Variants in CCSER1 observed in about 807,000 individuals in gnomAD.
CCSER1 encodes serine-rich coiled-coil domain-containing protein 1.
CCSER1 carries 41 observed loss-of-function variants against 82.0 expected under a neutral mutation model. That is an observed-to-expected ratio of 0.50 (90% CI 0.39 to 0.65). CCSER1 has a LOEUF of 0.65. CCSER1 is among the 30% of genes least tolerant of loss of function. The pLI is 0.00. For synonymous variants in CCSER1, 414 were observed against 383.9 expected, an observed-to-expected ratio of 1.08 and a Z score of -0.92; for missense variants, 1,119 against 1,064.2, an observed-to-expected ratio of 1.05 and a Z score of -0.72.
At chr4:90,867,429 G>A (rs1302714643) in intron 8 of CCSER1, among the ~76,000 whole-genome samples, 1 of 152,004 alleles carries the variant, frequency 6.6e-6, no homozygotes, top group Non-Finnish European at 1.5e-5. Context: ...TGCTATATAT[G>A]TTTACAGGAT....
Position 91,271,664 on chromosome 4 carries a change from CAT to C in CCSER1, c.2217+185679_2217+185680del, listed in dbSNP as rs1383894376. Among the ~76,000 whole-genome samples the C allele has an allele frequency of 2.6e-5, 4 of 151,974 alleles. No individual in the cohort carries two copies. The South Asian group carries it at 6.2e-4, about 24-fold the overall frequency. ...TATATATGATATACATATATACACACATATATATATGATATATATACACACAC... is the reference window on the plus strand; with the variant it reads ...TATATATGATATACATATATACACACATATATATGATATATATACACACAC... On this transcript the variant is annotated intron_variant, in intron 10 of 10. Coordinates refer to ENST00000509176, the MANE Select transcript of CCSER1 (RefSeq NM_001145065.2).
chr4:91,432,732 C>T (rs1310293512), intron 10 of CCSER1, among the ~76,000 whole-genome samples: 2 of 151,904 alleles, frequency 1.3e-5, no homozygotes, highest in Non-Finnish European at 2.9e-5. Context: ...TATTGTGTTA[C>T]TGATTTTTAG....
intron 10 of CCSER1, among the ~76,000 whole-genome samples, chr4:91,546,647 G>A (rs544986304): frequency 1.3e-4 from 20 of 151,934 alleles, no homozygotes; most frequent in Non-Finnish European, 2.2e-4. Flanking sequence ...AGCCTAGCTA[G>A]AGGGTTATTA....
chr4:91,288,815 G>T (rs1743523093), intron 10 of CCSER1, among the ~76,000 whole-genome samples: 1 of 152,012 alleles, frequency 6.6e-6, no homozygotes, highest in African/African-American at 2.4e-5. Context: ...AATACATGAT[G>T]GGCCTAGAAC....
At chr4:90,923,258 C>T (rs980827035) in intron 8 of CCSER1, 112 bp from the exon 9 acceptor site, 1 of 768,786 alleles carries the variant, frequency 1.3e-6, no homozygotes, top group African/African-American at 1.7e-5. Context: ...AAAGCATATG[C>T]ACAGAGAAGA....
chr4:91,522,482 A>T (rs1170956988), intron 10 of CCSER1, among the ~76,000 whole-genome samples: 1 of 152,074 alleles, frequency 6.6e-6, no homozygotes, highest in Non-Finnish European at 1.5e-5. Flanking sequence ...CATTTTCACG[A>T]TATTGATTCT....
intron 10 of CCSER1, among the ~76,000 whole-genome samples, chr4:91,333,938 A>T (rs1352803685): frequency 6.6e-6 from 1 of 152,014 alleles, no homozygotes; most frequent in Non-Finnish European, 1.5e-5. Flanking sequence ...TTTTTCAAAT[A>T]ATTTTTTCTT....
At chr4:90,976,484 G>A (rs548820605) in intron 9 of CCSER1, among the ~76,000 whole-genome samples, 12 of 150,608 alleles carry the variant, frequency 8.0e-5, no homozygotes, top group African/African-American at 2.2e-4. Context: ...GCAGTTTGGC[G>A]GTAAGAATTA....
At chr4:90,542,314 T>C (rs1405532475) in intron 5 of CCSER1, among the ~76,000 whole-genome samples, 1 of 152,090 alleles carries the variant, frequency 6.6e-6, no homozygotes, top group African/African-American at 2.4e-5. Flanking sequence ...CAGATCCCAT[T>C]AGGTTTGCGG....
chr4:91,109,399 G>A (rs912297913), intron 10 of CCSER1, among the ~76,000 whole-genome samples: 1 of 151,580 alleles, frequency 6.6e-6, no homozygotes, highest in Non-Finnish European at 1.5e-5. Context: ...TCTCTCCAGA[G>A]AAACCTAACT....
At chr4:91,376,447 G>T (rs1750420133) in intron 10 of CCSER1, among the ~76,000 whole-genome samples, 1 of 152,066 alleles carries the variant, frequency 6.6e-6, no homozygotes, top group Non-Finnish European at 1.5e-5. Flanking sequence ...AAAAAATATG[G>T]TTTTATAATC....
At chr4:90,759,829 T>C (rs1750150590) in intron 7 of CCSER1, among the ~76,000 whole-genome samples, 1 of 152,178 alleles carries the variant, frequency 6.6e-6, no homozygotes. Context: ...ATGTACTTTT[T>C]AAAAATGACC....
chr4:91,102,050 G>A (rs1363992429), intron 10 of CCSER1, among the ~76,000 whole-genome samples: 4 of 152,144 alleles, frequency 2.6e-5, no homozygotes, highest in Non-Finnish European at 4.4e-5. Flanking sequence ...GACTTATGAG[G>A]CCTCAGAGAA....
chr4:90,707,081 C>T (rs573202534), intron 6 of CCSER1, among the ~76,000 whole-genome samples: 11 of 152,274 alleles, frequency 7.2e-5, no homozygotes, highest in Non-Finnish European at 1.0e-4. Context: ...TGCTACCCCT[C>T]TTCATTGTAG....
At chr4:90,873,452 A>C (rs1245874153) in intron 8 of CCSER1, among the ~76,000 whole-genome samples, 1 of 152,028 alleles carries the variant, frequency 6.6e-6, no homozygotes, top group East Asian at 1.9e-4. Context: ...CCATCATTGG[A>C]GGGTTCTATT....
intron 4 of CCSER1, among the ~76,000 whole-genome samples, chr4:90,425,915 AT>A (rs201922828): frequency 4.6e-5 from 7 of 151,616 alleles, no homozygotes; most frequent in African/African-American, 1.5e-4. Flanking sequence ...GGAAGATTCT[AT>A]TTTTTTTAAA....
At chr4:90,983,751 G>A (rs907598386) in intron 9 of CCSER1, among the ~76,000 whole-genome samples, 1 of 151,698 alleles carries the variant, frequency 6.6e-6, no homozygotes, top group Non-Finnish European at 1.5e-5. Context: ...TCTGTAATAT[G>A]TTACCTAATA....
chr4:90,363,602 C>T (rs1474822878), intron 3 of CCSER1, among the ~76,000 whole-genome samples: 1 of 115,430 alleles, frequency 8.7e-6, no homozygotes, highest in South Asian at 3.2e-4. Flanking sequence ...CTTTCAAGGG[C>T]AGAAAGAAAA....
At chr4:90,842,202 CAT>C (rs1256804410) in intron 8 of CCSER1, among the ~76,000 whole-genome samples, 1 of 152,118 alleles carries the variant, frequency 6.6e-6, no homozygotes, top group African/African-American at 2.4e-5. Context: ...AAAGCAAAAA[CAT>C]ATATTTTCTT....
Sources: allele counts gnomAD v4.1 joint callset (sites outside exome capture counted in the v4.1 genomes callset), GRCh38; gene constraint gnomAD v4.1.1; transcripts MANE v1.5; gene names NCBI Gene and HGNC (gene_info 2026-07-23, HGNC 2026-07-21).